The following KDM7A variants were observed in gnomAD, a reference collection of about 807,000 sequenced individuals.
The protein encoded by KDM7A is lysine-specific demethylase 7A.
In KDM7A, 28 loss-of-function variants were observed where a neutral mutation model predicts 114.8. The observed-to-expected ratio is 0.24, with a 90% CI of 0.18 to 0.33. KDM7A has a LOEUF of 0.33. Among genes scored for constraint, KDM7A ranks in the 10% least tolerant of loss-of-function variants. KDM7A has a pLI of 1.00. For missense variants in KDM7A, 942 were observed against 1,142.5 expected (o/e 0.82, Z 2.53); for synonymous variants, 423 against 397.8 (o/e 1.06, Z -0.75).
chr7:140,137,157 A>G (rs1246637623), intron 2 of KDM7A, among the ~76,000 whole-genome samples: 5 of 152,150 alleles, frequency 3.3e-5, no homozygotes, highest in Non-Finnish European at 1.5e-5. Context: ...CTGTAAGTAC[A>G]CAGAGTTGGA....
In KDM7A at chr7:140,085,816, T is replaced by C. The variant is rs1229192625; in HGVS notation, c.*5278A>G. The C allele has an allele frequency of 6.6e-6, 1 of 152,210 alleles. No homozygotes were observed. Among genetic ancestry groups the C allele is most frequent in the Non-Finnish European group, 1.5e-5 (1 of 68,028 alleles). 9.4% of individuals were successfully genotyped at this position (152,210 alleles called of 1,614,324 possible). A position where few individuals can be genotyped will look rare whatever the true frequency, so the allele number is the denominator to read the frequency against. On this transcript the variant is annotated 3_prime_UTR_variant, in exon 20 of 20. Transcript: ENST00000397560. ...GAAGTTATACGTAGCTCTGTAAAAA[T>C]AAAAGGTTACTTATGAATCTTAAAA...
At chr7:140,114,257 C>A (rs1218250828) in intron 9 of KDM7A, among the ~76,000 whole-genome samples, 1 of 152,158 alleles carries the variant, frequency 6.6e-6, no homozygotes, top group Non-Finnish European at 1.5e-5. Flanking sequence ...CGGCTCACTG[C>A]AACCTCCCTG....
chr7:140,142,786 G>A lies in KDM7A; in HGVS notation c.195-3596C>T, dbSNP rs553804141. On this transcript the variant is annotated intron_variant, in intron 1 of 19. Coordinates refer to ENST00000397560, the MANE Select transcript of KDM7A (RefSeq NM_030647.2). ...ACCTTAAAGAAACTCAGGCACATGTGCACCAGGATACCTACCTATACAAAA... is the reference window on the plus strand; with the variant it reads ...ACCTTAAAGAAACTCAGGCACATGTACACCAGGATACCTACCTATACAAAA... Among the ~76,000 whole-genome samples, 3 of 152,108 alleles carry A rather than the reference G, an allele frequency of 2.0e-5. No individual in the cohort carries two copies. The East Asian group carries it at 5.8e-4, about 29-fold the overall frequency.
intron 1 of KDM7A, among the ~76,000 whole-genome samples, chr7:140,145,147 T>C (rs1202133979): frequency 1.3e-5 from 2 of 152,224 alleles, no homozygotes; most frequent in African/African-American, 4.8e-5. Context: ...CCTATGTATT[T>C]ATGTGATTTT....
intron 4 of KDM7A, among the ~76,000 whole-genome samples, 159 bp downstream of exon 4, chr7:140,129,334 G>C (rs1441224506): frequency 6.6e-6 from 1 of 152,172 alleles, no homozygotes; most frequent in Non-Finnish European, 1.5e-5. Flanking sequence ...TTGTAGGTCT[G>C]CTGAGAAAAA....
At chr7:140,107,819 G>A (rs964712068) in intron 11 of KDM7A, among the ~76,000 whole-genome samples, 18 of 152,108 alleles carry the variant, frequency 1.2e-4, no homozygotes, top group South Asian at 6.2e-4. Flanking sequence ...ATGTTGGCCC[G>A]CCTTGCTAGG....
chr7:140,109,670 A>G (rs1031015522), intron 11 of KDM7A, among the ~76,000 whole-genome samples: 1 of 152,192 alleles, frequency 6.6e-6, no homozygotes, highest in Non-Finnish European at 1.5e-5. Flanking sequence ...ATATGTTTAT[A>G]CTGTTTTCAG....
intron 19 of KDM7A, 38 bp downstream of exon 19, chr7:140,091,766 T>C: frequency 6.2e-7 from 1 of 1,603,282 alleles, no homozygotes; most frequent in Non-Finnish European, 8.5e-7. Context: ...TCACATACAG[T>C]CAGAAATATA....
At chr7:140,101,842 C>T in intron 12 of KDM7A, 109 bp downstream of exon 12, 3 of 739,416 alleles carry the variant, frequency 4.1e-6, no homozygotes, top group Non-Finnish European at 7.0e-6. Context: ...TACAATGCTG[C>T]AGCCAAGATT....
rs1252976567 is a variant in KDM7A at position 140,088,000 on chromosome 7, T to A, written c.*3094A>T. The A allele has an allele frequency of 6.6e-6, 1 of 152,240 alleles. No individual in the cohort carries two copies. The highest frequency in any genetic ancestry group is 1.5e-5 in the Non-Finnish European group (1 of 68,070). The allele number at this position is 152,240 out of a possible 1,614,324, so 9.4% of individuals were successfully genotyped here. ...GTACTAGGTAGTGCTGGGCACACAG[T>A]AGATGTTTGATAAATACCTGTTGAT... On this transcript the variant is annotated 3_prime_UTR_variant, in exon 20 of 20. Coordinates refer to ENST00000397560, the MANE Select transcript of KDM7A (RefSeq NM_030647.2).
chr7:140,124,654 C>T lies in KDM7A; in HGVS notation c.1018G>A (p.Val340Ile), dbSNP rs1430412713. Residue 340 changes from valine to isoleucine, a missense_variant, in exon 7 of 20, where the codon GTA (valine) becomes ATA (isoleucine). Val to Ile is a conservative substitution (Grantham distance 29). Around this residue, in one of 4 missense-constraint regions of KDM7A, gnomAD observed 318 missense variants for 453.1 expected, o/e 0.70. Transcript: ENST00000397560. The stretch of plus-strand genomic sequence containing the variant: ...ACAAATAAGGTATGTCCCTGCTTTA[C>T]CACACATTTGTAGCATTTATCCACC... Reference protein sequence around the residue: ...DKVDKCYKCVVKQGHTLFVPT... With the variant: ...DKVDKCYKCVIKQGHTLFVPT... 23 of 1,613,128 alleles carry T rather than the reference C, an allele frequency of 1.4e-5. No homozygotes were observed. Among genetic ancestry groups the T allele is most frequent in the Middle Eastern group, 1.6e-4 (1 of 6,082 alleles).
intron 3 of KDM7A, among the ~76,000 whole-genome samples, chr7:140,131,507 ATCC>A (rs1434747477): frequency 6.6e-6 from 1 of 152,202 alleles, no homozygotes; most frequent in Non-Finnish European, 1.5e-5. Flanking sequence ...TGATCTTCCC[ATCC>A]TCTCGTAAGG....
intron 3 of KDM7A, among the ~76,000 whole-genome samples, chr7:140,131,560 T>C (rs1818787274): frequency 6.6e-6 from 1 of 152,196 alleles, no homozygotes; most frequent in African/African-American, 2.4e-5. Context: ...GAGAGTCCTT[T>C]CCTAGATAAT....
intron 1 of KDM7A, among the ~76,000 whole-genome samples, chr7:140,168,347 C>T (rs1233164501): frequency 6.6e-6 from 1 of 152,114 alleles, no homozygotes; most frequent in Non-Finnish European, 1.5e-5. Flanking sequence ...GGGCAGATCA[C>T]CTGAGGTCAG....
At chr7:140,096,491 T>G (rs1163743148) in intron 17 of KDM7A, 64 bp downstream of exon 17, 18 of 1,226,112 alleles carry the variant, frequency 1.5e-5, no homozygotes, top group Non-Finnish European at 1.8e-5. Flanking sequence ...AAATGAGGAT[T>G]ATTGAGCCAT....
chr7:140,145,155 T>C (rs1794326824), intron 1 of KDM7A, among the ~76,000 whole-genome samples: 1 of 152,234 alleles, frequency 6.6e-6, no homozygotes, highest in Admixed American at 6.5e-5. Context: ...TTTATGTGAT[T>C]TTTTTTCAAC....
At chr7:140,166,573 C>T (rs941641143) in intron 1 of KDM7A, among the ~76,000 whole-genome samples, 1 of 151,960 alleles carries the variant, frequency 6.6e-6, no homozygotes, top group African/African-American at 2.4e-5. Flanking sequence ...CCTGGACTCA[C>T]GCCATCCACC....
rs981612823 is a variant in KDM7A, at chr7:140,087,483, G to A, written c.*3611C>T. ...ATATTTGATATAAAATAAACATCAT[G>A]AATAGTATTAGTTTTCATTTAAAAA... On this transcript the variant is annotated 3_prime_UTR_variant, in exon 20 of 20. Transcript: ENST00000397560. 6.6e-6 allele frequency: 1 copy of A among 152,130 alleles called. No individual in the cohort carries two copies. The highest frequency in any genetic ancestry group is 1.5e-5 in the Non-Finnish European group (1 of 68,030). The allele number at this position is 152,130 out of a possible 1,614,324, so 9.4% of individuals were successfully genotyped here. A position where few individuals can be genotyped will look rare whatever the true frequency, so the allele number is the denominator to read the frequency against.
In KDM7A at chr7:140,176,827, G is replaced by A. The variant is rs200695137; in HGVS notation, c.111C>T (p.Pro37=). The A allele has an allele frequency of 1.5e-5, 20 of 1,344,490 alleles. No homozygotes were observed. In the East Asian group the frequency reaches 6.3e-4, roughly 42 times the overall value. 83.3% of individuals were successfully genotyped at this position (1,344,490 alleles called of 1,614,324 possible). ...ACGGCTGCCGGCACACACAGTACAC[G>A]GGCGGGGGCGGCGGAGGCGCCGAGG... ...GRASAPPPPP[P]VYCVCRQPYD... The change falls in exon 1 of 20, where the codon CCC becomes CCT. Residue 37 remains proline, a synonymous_variant. Coordinates refer to ENST00000397560, the MANE Select transcript of KDM7A (RefSeq NM_030647.2). The surrounding 1 kb of genome is among the most constrained non-coding windows in gnomAD (Gnocchi z 4.4).
Sources: allele counts gnomAD v4.1 joint callset (sites outside exome capture counted in the v4.1 genomes callset), GRCh38; gene constraint gnomAD v4.1.1; regional missense constraint gnomAD v4.1.1; non-coding constraint Gnocchi (gnomAD v3.1); transcripts MANE v1.5; gene names NCBI Gene and HGNC (gene_info 2026-07-23, HGNC 2026-07-21).